Variants in CCDC7 observed in about 807,000 individuals in gnomAD.
The protein encoded by CCDC7 is coiled-coil domain-containing protein 7.
CCDC7 carries 183 observed loss-of-function variants against 196.9 expected under a neutral mutation model. The ratio of observed to expected loss-of-function variants is 0.93; its 90% CI spans 0.82 to 1.05. CCDC7 has a LOEUF of 1.05. CCDC7 is among the 50% of genes least tolerant of loss of function. The pLI is 0.00. For synonymous variants in CCDC7, 525 were observed against 484.6 expected (o/e 1.08, Z -1.10); for missense variants, 1,540 against 1,482.2 (o/e 1.04, Z -0.64).
chr10:32,817,596 G>C (rs1307236335), intron 31 of CCDC7, among the ~76,000 whole-genome samples: 1 of 152,172 alleles, frequency 6.6e-6, no homozygotes, highest in Non-Finnish European at 1.5e-5. Flanking sequence ...AGAAAGGTCA[G>C]GTTACCCACA....
chr10:32,686,262 G>T (rs1398244362), intron 22 of CCDC7, among the ~76,000 whole-genome samples, 182 bp downstream of exon 23: 2 of 152,214 alleles, frequency 1.3e-5, no homozygotes, highest in Non-Finnish European at 2.9e-5. Flanking sequence ...AGTATTTCTT[G>T]TTGTAACGGT....
chr10:32,617,475 G>A (rs75134029), intron 18 of CCDC7, among the ~76,000 whole-genome samples: 4,224 of 151,494 alleles, frequency 0.028, 213 homozygotes, highest in African/African-American at 0.096. Flanking sequence ...ACAGGTTTTG[G>A]TATGTTGTGT....
rs542351201 is a variant in CCDC7, at chr10:32,811,520, C to T, written c.3098-2850C>T. On this transcript the variant is annotated intron_variant, in intron 30 of 41. Transcript: ENST00000639629. ...ATAAAAAGAATAAGTTATAAAGTTC[C>T]GTAGCAGAGGAGATTGATTATAGTT... Among the ~76,000 whole-genome samples, 7 of 152,080 alleles carry T rather than the reference C, an allele frequency of 4.6e-5. No individual in the cohort carries two copies. The East Asian group carries it at 5.8e-4, about 13-fold the overall frequency.
rs140038906 is a variant in CCDC7, at chr10:32,780,378, G to A, written c.3013+1294G>A. Among the ~76,000 whole-genome samples, 1,139 of 152,286 alleles carry A rather than the reference G, an allele frequency of 7.5e-3. 15 individuals carry two copies. Among genetic ancestry groups the A allele is most frequent in the African/African-American group, 0.026 (1,085 of 41,564 alleles). On this transcript the variant is annotated intron_variant, in intron 29 of 41. Transcript: ENST00000639629. ...GCCATTATTATTATAATTTTGGTTT[G>A]TAACTCTGCTCTTTGTATCTATAAT... is the stretch of plus-strand genomic sequence containing the variant.
intron 32 of CCDC7, among the ~76,000 whole-genome samples, chr10:32,830,044 C>T (rs1374639000): frequency 1.4e-5 from 2 of 146,258 alleles, no homozygotes; most frequent in Non-Finnish European, 1.5e-5. Context: ...CAGGAGCTGA[C>T]CTATTGTGGG....
chr10:32,704,887 C>CTCGATT (rs1398828283), intron 24 of CCDC7, among the ~76,000 whole-genome samples: 1 of 152,124 alleles, frequency 6.6e-6, no homozygotes, highest in Non-Finnish European at 1.5e-5. Flanking sequence ...TTGGGAGTGA[C>CTCGATT]TCGATTTTCC....
intron 20 of CCDC7, among the ~76,000 whole-genome samples, chr10:32,663,525 C>T (rs1267250995): frequency 6.6e-6 from 1 of 152,034 alleles, no homozygotes; most frequent in African/African-American, 2.4e-5. Context: ...AATTTTTTCT[C>T]ACTTAACATT....
intron 28 of CCDC7, among the ~76,000 whole-genome samples, chr10:32,747,388 C>T (rs962721776): frequency 2.0e-5 from 3 of 152,128 alleles, no homozygotes; most frequent in African/African-American, 7.2e-5. Context: ...AATTAAGGAG[C>T]TTCTGCACAA....
chr10:32,851,726 T>C lies in CCDC7; in HGVS notation c.3896-81T>C, dbSNP rs927350076. The C allele has an allele frequency of 7.0e-6, 9 of 1,279,892 alleles. No homozygotes were observed. In the African/African-American group the frequency reaches 9.2e-5, roughly 13 times the overall value. 79.3% of individuals were successfully genotyped at this position (1,279,892 alleles called of 1,614,324 possible). ...TATATTTAGATGCTTTGATGTTGTG[T>C]GCATATATACTGTGTGAGTATTAAA... On this transcript the variant is annotated intron_variant, in intron 39 of 41. Transcript: ENST00000639629.
At chr10:32,698,291 T>A (rs2078059753) in intron 24 of CCDC7, among the ~76,000 whole-genome samples, 1 of 152,096 alleles carries the variant, frequency 6.6e-6, no homozygotes, top group Admixed American at 6.5e-5. Flanking sequence ...GAGTGCCTCT[T>A]CTCCTCCAAA....
chr10:32,485,482 G>A (rs899447876), intron 8 of CCDC7, among the ~76,000 whole-genome samples: 2 of 152,094 alleles, frequency 1.3e-5, no homozygotes, highest in Non-Finnish European at 2.9e-5. Flanking sequence ...GGTTTTTTGT[G>A]TCTCTATTTC....
upstream of CCDC7, among the ~76,000 whole-genome samples, chr10:32,446,849 T>G (rs2031242911): frequency 6.6e-6 from 1 of 151,484 alleles, no homozygotes; most frequent in Admixed American, 6.6e-5. Flanking sequence ...TCGGAGCATT[T>G]GTCAGGTTCT....
chr10:32,595,203 T>A (rs1423603395), intron 18 of CCDC7, among the ~76,000 whole-genome samples: 1 of 152,214 alleles, frequency 6.6e-6, no homozygotes, highest in Non-Finnish European at 1.5e-5. Context: ...TGGTAAGGTA[T>A]TAATTATTGC....
At chr10:32,761,446 C>A (rs2077453666) in intron 28 of CCDC7, among the ~76,000 whole-genome samples, 1 of 151,998 alleles carries the variant, frequency 6.6e-6, no homozygotes, top group Non-Finnish European at 1.5e-5. Context: ...GTCTTTGATA[C>A]CTTAACATAC....
chr10:32,763,276 C>G (rs1445100962), intron 28 of CCDC7, among the ~76,000 whole-genome samples: 2 of 151,868 alleles, frequency 1.3e-5, no homozygotes, highest in Non-Finnish European at 2.9e-5. Flanking sequence ...CTCAACATCA[C>G]TAATCATCAG....
intron 23 of CCDC7, among the ~76,000 whole-genome samples, chr10:32,692,361 G>A (rs2077184544): frequency 6.6e-6 from 1 of 152,156 alleles, no homozygotes; most frequent in Admixed American, 6.5e-5. Flanking sequence ...GTGAATCAGA[G>A]GATAAAGAGA....
intron 8 of CCDC7, among the ~76,000 whole-genome samples, chr10:32,483,534 C>T (rs1016265241): frequency 5.1e-4 from 77 of 152,182 alleles, no homozygotes; most frequent in Admixed American, 7.2e-4. Flanking sequence ...CTTTTGTTGC[C>T]ATTGCTTTTG....
chr10:32,647,722 T>TA (rs1385257399), intron 20 of CCDC7, among the ~76,000 whole-genome samples: 1 of 152,230 alleles, frequency 6.6e-6, no homozygotes, highest in African/African-American at 2.4e-5. Flanking sequence ...AGGTTCTGGA[T>TA]ATTAGGCCTT....
chr10:32,557,015 G>A (rs1001672717), intron 13 of CCDC7, among the ~76,000 whole-genome samples: 1 of 152,092 alleles, frequency 6.6e-6, no homozygotes, highest in Non-Finnish European at 1.5e-5. Flanking sequence ...TTGTTGTAAG[G>A]TTTACTTTTG....
Sources: allele counts gnomAD v4.1 joint callset (sites outside exome capture counted in the v4.1 genomes callset), GRCh38; gene constraint gnomAD v4.1.1; transcripts MANE v1.5; gene names NCBI Gene and HGNC (gene_info 2026-07-23, HGNC 2026-07-21).